The following MPP7 variants were observed in gnomAD, a reference collection of about 807,000 sequenced individuals.
MPP7 encodes the protein MAGUK p55 subfamily member 7.
In MPP7, 60 loss-of-function variants were observed where a neutral mutation model predicts 76.5. The ratio of observed to expected loss-of-function variants is 0.78; its 90% CI spans 0.64 to 0.97. MPP7 has a LOEUF of 0.97. MPP7 is among the 50% of genes least tolerant of loss of function. The pLI is 0.00. For missense variants in MPP7, 641 were observed against 694.0 expected, an observed-to-expected ratio of 0.92 and a Z score of 0.86; for synonymous variants, 237 against 244.5, an observed-to-expected ratio of 0.97 and a Z score of 0.29.
chr10:28,326,767 G>A (rs1189849324), intron 2 of MPP7, among the ~76,000 whole-genome samples: 2 of 152,210 alleles, frequency 1.3e-5, no homozygotes, highest in African/African-American at 4.8e-5. Flanking sequence ...AAGCCAAGTG[G>A]CAGAAAGTGC....
chr10:28,226,323 T>A (rs1840878), intron 2 of MPP7, among the ~76,000 whole-genome samples: 2 of 151,890 alleles, frequency 1.3e-5, no homozygotes, highest in Non-Finnish European at 2.9e-5. Flanking sequence ...CTCGGCTCAC[T>A]GCAACCTCCA....
At chr10:28,221,791 T>C (rs1241547662) in intron 2 of MPP7, among the ~76,000 whole-genome samples, 1 of 152,220 alleles carries the variant, frequency 6.6e-6, no homozygotes, top group Non-Finnish European at 1.5e-5. Context: ...GGGCAATATT[T>C]TTAAAATCTA....
At chr10:28,184,057 T>C (rs1408421943) in intron 3 of MPP7, among the ~76,000 whole-genome samples, 1 of 151,524 alleles carries the variant, frequency 6.6e-6, no homozygotes, top group Non-Finnish European at 1.5e-5. Flanking sequence ...TTTACACTAA[T>C]ATATAAGGAA....
At chr10:28,119,798 A>G (rs1181845605) in intron 10 of MPP7, 83 bp from the exon 11 acceptor site, 16 of 1,116,616 alleles carry the variant, frequency 1.4e-5, no homozygotes, top group Non-Finnish European at 1.8e-5. Context: ...TAGTCTTAAG[A>G]AAAAACTTAA....
At chr10:28,144,800 C>A (rs1410710365) in intron 5 of MPP7, among the ~76,000 whole-genome samples, 1 of 152,136 alleles carries the variant, frequency 6.6e-6, no homozygotes, top group Non-Finnish European at 1.5e-5. Flanking sequence ...TCCATACGCT[C>A]CCTCTTTTAA....
intron 2 of MPP7, among the ~76,000 whole-genome samples, chr10:28,223,971 G>A (rs1223090557): frequency 6.6e-6 from 1 of 151,338 alleles, no homozygotes; most frequent in Non-Finnish European, 1.5e-5. Context: ...CGAGGCAGAA[G>A]GATCACTTGA....
chr10:28,128,533 TG>T, intron 6 of MPP7, among the ~76,000 whole-genome samples: 1 of 152,274 alleles, frequency 6.6e-6, no homozygotes, highest in Middle Eastern at 3.4e-3. Flanking sequence ...AAAGGGGATC[TG>T]GCTATATTAT....
intron 12 of MPP7, among the ~76,000 whole-genome samples, chr10:28,071,733 G>A (rs1264639943): frequency 6.6e-6 from 1 of 152,142 alleles, no homozygotes; most frequent in Non-Finnish European, 1.5e-5. Flanking sequence ...AACCAAGTCA[G>A]ATGTTTGCAC....
chr10:28,224,276 T>C (rs1170623323), intron 2 of MPP7, among the ~76,000 whole-genome samples: 3 of 151,994 alleles, frequency 2.0e-5, no homozygotes, highest in Non-Finnish European at 2.9e-5. Context: ...CTGAAAATCT[T>C]ACCCAGTTAA....
At chr10:28,270,425 C>T (rs1183086746) in intron 1 of MPP7, among the ~76,000 whole-genome samples, 1 of 151,388 alleles carries the variant, frequency 6.6e-6, no homozygotes, top group African/African-American at 2.4e-5. Context: ...GTGGCACCCA[C>T]CTGTAGTCCC....
rs188421020 is a variant in MPP7, at chr10:28,284,765, T to C, written c.-132+18096A>G. Among the ~76,000 whole-genome samples the C allele has an allele frequency of 3.3e-5, 5 of 152,330 alleles. No individual in the cohort carries two copies. In the East Asian group the frequency reaches 9.6e-4, roughly 29 times the overall value. ...GGTCAACTTTTCACTTACTCTATTATGAACCTTGAAGGCAAGGATGCTTTA... is the reference window on the plus strand; with the variant it reads ...GGTCAACTTTTCACTTACTCTATTACGAACCTTGAAGGCAAGGATGCTTTA... On this transcript the variant is annotated intron_variant, in intron 1 of 16. Transcript: ENST00000683449.
At chr10:28,149,142 G>A in intron 4 of MPP7, among the ~76,000 whole-genome samples, 1 of 152,082 alleles carries the variant, frequency 6.6e-6, no homozygotes, top group East Asian at 1.9e-4. Context: ...AACTTCTCAA[G>A]ATGGCCAATT....
At chr10:28,259,206 T>C (rs557330272) in intron 1 of MPP7, among the ~76,000 whole-genome samples, 1 of 152,316 alleles carries the variant, frequency 6.6e-6, no homozygotes, top group African/African-American at 2.4e-5. Context: ...TTACATTACA[T>C]ACAAAACTAC....
At chr10:28,330,481 CT>C (rs34009412) in intron 1 of MPP7, among the ~76,000 whole-genome samples, 40,771 of 151,750 alleles carry the variant, frequency 0.27, 7,140 homozygotes, top group African/African-American at 0.5. Context: ...AATTTTTAGA[CT>C]TTTTTAAAAA....
chr10:28,126,907 A>G (rs1421481391), intron 6 of MPP7, among the ~76,000 whole-genome samples: 1 of 152,276 alleles, frequency 6.6e-6, no homozygotes, highest in Admixed American at 6.5e-5. Context: ...TTAGAGAAAG[A>G]GACACTTGGC....
chr10:28,256,644 T>C (rs1004028150), intron 1 of MPP7, among the ~76,000 whole-genome samples: 2 of 152,320 alleles, frequency 1.3e-5, no homozygotes, highest in Non-Finnish European at 2.9e-5. Context: ...TCTTTCTACC[T>C]TTCTTATTTC....
At chr10:28,153,501 T>C (rs550551293) in intron 3 of MPP7, among the ~76,000 whole-genome samples, 2 of 152,300 alleles carry the variant, frequency 1.3e-5, no homozygotes, top group African/African-American at 4.8e-5. Context: ...ATATACATTA[T>C]GCTCTATGTA....
chr10:28,271,738 G>C (rs1840332136), intron 1 of MPP7, among the ~76,000 whole-genome samples: 1 of 152,184 alleles, frequency 6.6e-6, no homozygotes, highest in Non-Finnish European at 1.5e-5. Flanking sequence ...CACTTTGGGA[G>C]GCTGAAGCAG....
chr10:28,158,888 T>C (rs1319823531), intron 3 of MPP7, among the ~76,000 whole-genome samples: 1 of 152,136 alleles, frequency 6.6e-6, no homozygotes, highest in East Asian at 1.9e-4. Flanking sequence ...TCTGTCTCCC[T>C]GTCCCAACAC....
Sources: gnomAD v4.1 joint callset for allele counts (sites outside exome capture counted in the v4.1 genomes callset) on GRCh38, gnomAD v4.1.1 for gene constraint, MANE v1.5 for transcripts, NCBI Gene and HGNC (gene_info 2026-07-23, HGNC 2026-07-21) for gene names.